The following JAKMIP1 variants were observed in gnomAD, a reference collection of about 807,000 sequenced individuals.
The protein encoded by JAKMIP1 is janus kinase and microtubule-interacting protein 1.
In JAKMIP1, 33 loss-of-function variants were observed where a neutral mutation model predicts 113.0. That is an observed-to-expected ratio of 0.29 (90% CI 0.22 to 0.39). The LOEUF is 0.39. JAKMIP1 is among the 10% of genes least tolerant of loss of function. The pLI is 1.00. For missense variants in JAKMIP1, 813 were observed against 1,080.5 expected, an observed-to-expected ratio of 0.75 and a Z score of 3.47; for synonymous variants, 480 against 459.9, an observed-to-expected ratio of 1.04 and a Z score of -0.56.
In JAKMIP1 at chr4:6,106,469, C is replaced by T. The variant is rs1713969715; in HGVS notation, c.130-502G>A. Among the ~76,000 whole-genome samples the T allele has an allele frequency of 6.6e-6, 1 of 152,084 alleles. No individual in the cohort carries two copies. Among genetic ancestry groups the T allele is most frequent in the South Asian group, 2.1e-4 (1 of 4,810 alleles). On this transcript the variant is annotated intron_variant, in intron 2 of 20. Coordinates refer to ENST00000409021, the MANE Select transcript of JAKMIP1 (RefSeq NM_001099433.2). This position sits in a 1 kb window ranked among gnomAD's most constrained non-coding sequence, Gnocchi z 5.9. ...TGGGCTGGGGGCTCCAATGCATCAC[C>T]CACATTGCCACATGAACCCCTCACG...
chr4:6,125,614 C>CACACAT (rs1300548988), intron 1 of JAKMIP1, among the ~76,000 whole-genome samples: 3 of 140,034 alleles, frequency 2.1e-5, no homozygotes, highest in African/African-American at 8.2e-5. Flanking sequence ...CACACACACA[C>CACACAT]ACCATACAGA....
chr4:6,056,908 T>A, intron 11 of JAKMIP1, 149 bp from the exon 12 acceptor site: 6 of 606,166 alleles, frequency 9.9e-6, no homozygotes, highest in East Asian at 3.0e-5. Context: ...ATTGTCCCTG[T>A]CCACTTTTAA....
intron 1 of JAKMIP1, among the ~76,000 whole-genome samples, chr4:6,173,260 A>T (rs1327189867): frequency 2.6e-5 from 4 of 152,224 alleles, no homozygotes; most frequent in Admixed American, 1.3e-4. Context: ...TATTTCAGTG[A>T]TCTTACAAGG....
chr4:6,124,177 C>T (rs546139487), intron 1 of JAKMIP1, among the ~76,000 whole-genome samples: 1 of 152,184 alleles, frequency 6.6e-6, no homozygotes, highest in Non-Finnish European at 1.5e-5. Flanking sequence ...GGGGGTGGGC[C>T]GTGCGGACGG....
chr4:6,041,661 C>T (rs1231950466), intron 17 of JAKMIP1, among the ~76,000 whole-genome samples: 1 of 152,204 alleles, frequency 6.6e-6, no homozygotes, highest in South Asian at 2.1e-4. Context: ...CATCCCACAA[C>T]CCAGCAAAGC....
intron 11 of JAKMIP1, among the ~76,000 whole-genome samples, chr4:6,058,316 C>A (rs1352256304): frequency 1.3e-5 from 2 of 152,214 alleles, no homozygotes; most frequent in Non-Finnish European, 2.9e-5. Flanking sequence ...TTCCTTCAAG[C>A]CTCCTTGCCT....
intron 20 of JAKMIP1, among the ~76,000 whole-genome samples, chr4:6,028,392 C>T (rs114250501): frequency 0.022 from 3,331 of 152,272 alleles, 47 homozygotes; most frequent in Non-Finnish European, 0.035. Context: ...GGTCCACTTG[C>T]GACCCGGCAG....
chr4:6,121,168 C>G (rs1044732347), intron 1 of JAKMIP1, among the ~76,000 whole-genome samples: 3 of 143,440 alleles, frequency 2.1e-5, no homozygotes, highest in African/African-American at 7.8e-5. Context: ...CCACTGAACT[C>G]CAGCCTGGGC....
In JAKMIP1 at chr4:6,126,778, C is replaced by T. The variant is rs1411058521; in HGVS notation, c.-147-13781G>A. Among the ~76,000 whole-genome samples the T allele has an allele frequency of 2.0e-5, 3 of 151,738 alleles. No homozygotes were observed. The South Asian group carries it at 6.2e-4, about 32-fold the overall frequency. On this transcript the variant is annotated intron_variant, in intron 1 of 20. Transcript: ENST00000409021. The stretch of plus-strand genomic sequence containing the variant: ...CACAACACATGCGCCCCCCCACACC[C>T]ATACACCACTCACAAGCGCACGCAC...
At chr4:6,117,523 G>T (rs554683925) in intron 1 of JAKMIP1, among the ~76,000 whole-genome samples, 3 of 152,014 alleles carry the variant, frequency 2.0e-5, no homozygotes, top group Non-Finnish European at 4.4e-5. Context: ...GACCAGGACC[G>T]AAGTGAAATT....
At chr4:6,034,845 T>C (rs534439628) in intron 19 of JAKMIP1, among the ~76,000 whole-genome samples, 1 of 152,266 alleles carries the variant, frequency 6.6e-6, no homozygotes, top group African/African-American at 2.4e-5. Context: ...GTGGAGGTCT[T>C]TCTTAGATGA....
rs1560231090 is a variant in JAKMIP1 at position 6,125,863 on chromosome 4, CTCGCGCCATACACTCCAT to C, written c.-147-12884_-147-12867del. Among the ~76,000 whole-genome samples, 16 of 2,798 alleles carry C rather than the reference CTCGCGCCATACACTCCAT, an allele frequency of 5.7e-3. 1 individual carries two copies. The highest frequency in any genetic ancestry group is 0.023 in the South Asian group (1 of 44). 1.8% of individuals were successfully genotyped at this position (2,798 alleles called of 152,430 possible). On this transcript the variant is annotated intron_variant, in intron 1 of 20. Transcript: ENST00000409021. ...CACACACACACCCCCCATACAGAAACTCGCGCCATACACTCCATACACACCATGCAGAAACACACACAC... is the reference window on the plus strand; with the variant it reads ...CACACACACACCCCCCATACAGAAACACACACCATGCAGAAACACACACAC...
chr4:6,190,920 C>T (rs1727187784), intron 1 of JAKMIP1, among the ~76,000 whole-genome samples: 3 of 152,340 alleles, frequency 2.0e-5, no homozygotes, highest in Admixed American at 1.3e-4. Flanking sequence ...GAGGTTGCAT[C>T]AAACAAGAGC....
chr4:6,146,381 C>T (rs956985024), intron 1 of JAKMIP1, among the ~76,000 whole-genome samples: 3 of 152,202 alleles, frequency 2.0e-5, no homozygotes, highest in Non-Finnish European at 2.9e-5. Flanking sequence ...CAGCCTTGAC[C>T]TCTCGGGCTC....
chr4:6,141,119 G>A lies in JAKMIP1; in HGVS notation c.-147-28122C>T, dbSNP rs557144579. Among the ~76,000 whole-genome samples the A allele has an allele frequency of 5.3e-5, 8 of 152,328 alleles. No homozygotes were observed. In the South Asian group the frequency reaches 1.7e-3, roughly 32 times the overall value. On this transcript the variant is annotated intron_variant, in intron 1 of 20. Transcript: ENST00000409021. This position sits in a 1 kb window ranked among gnomAD's most constrained non-coding sequence, Gnocchi z 9.4. ...CCATCCTAATTGTATCGCGTAGAAT[G>A]AGAAGCAGCTACCAACATTTAAAGT...
intron 1 of JAKMIP1, 29 bp from the exon 2 acceptor site, chr4:6,113,026 A>G (rs985803644): frequency 1.0e-6 from 1 of 1,004,722 alleles, no homozygotes; most frequent in African/African-American, 1.6e-5. Flanking sequence ...CTGAGTTAGC[A>G]GAGACAGAAG....
At chr4:6,058,253 T>G (rs987997953) in intron 11 of JAKMIP1, among the ~76,000 whole-genome samples, 4 of 152,230 alleles carry the variant, frequency 2.6e-5, no homozygotes, top group Non-Finnish European at 5.9e-5. Context: ...TCCCTTCTTA[T>G]GAAAGAATAA....
intron 12 of JAKMIP1, among the ~76,000 whole-genome samples, chr4:6,055,580 G>A (rs143508697): frequency 3.7e-4 from 56 of 152,296 alleles, no homozygotes; most frequent in African/African-American, 1.3e-3. Flanking sequence ...GGTGGTTGAA[G>A]GGCTCTGGAC....
chr4:6,053,244 A>C (rs1022261448), intron 13 of JAKMIP1, among the ~76,000 whole-genome samples: 51 of 152,240 alleles, frequency 3.3e-4, no homozygotes, highest in African/African-American at 1.2e-3. Context: ...AGCTGGAAGC[A>C]GTAAGACCAT....
Sources: allele counts gnomAD v4.1 joint callset (sites outside exome capture counted in the v4.1 genomes callset), GRCh38; gene constraint gnomAD v4.1.1; non-coding constraint Gnocchi (gnomAD v3.1); transcripts MANE v1.5; gene names NCBI Gene and HGNC (gene_info 2026-07-23, HGNC 2026-07-21).